CRB1: variants seen among roughly 807,000 people sequenced by gnomAD.
The protein encoded by CRB1 is crumbs cell polarity complex component 1, also known as protein crumbs homolog 1.
Under a neutral mutation model 120.0 loss-of-function variants are expected in CRB1, and 83 were observed. The ratio of observed to expected loss-of-function variants is 0.69; its 90% CI spans 0.58 to 0.83. The LOEUF (loss-of-function observed/expected upper bound fraction) is 0.83. Ranked by LOEUF, CRB1 falls within the 40% of genes least tolerant of loss-of-function variation. The pLI, the probability that CRB1 is intolerant of heterozygous loss-of-function variation, is 0.00. For synonymous variants in CRB1, 625 were observed against 612.5 expected (o/e 1.02, Z -0.30); for missense variants, 1,699 against 1,687.6 (o/e 1.01, Z -0.12).
chr1:197,429,066 G>T, intron 7 of CRB1: 1 of 1,498,648 alleles, frequency 6.7e-7, no homozygotes. Context: ...TAGGATCTTG[G>T]GCAACTGGAA....
At chr1:197,312,344 A>C (rs1001218751) in intron 1 of CRB1, among the ~76,000 whole-genome samples, 1 of 152,196 alleles carries the variant, frequency 6.6e-6, no homozygotes, top group Non-Finnish European at 1.5e-5. Context: ...TGGATGAATC[A>C]CCTGAGGTCA....
At chr1:197,258,137 A>G in the CRB1 span, among the ~76,000 whole-genome samples, 3 of 152,208 alleles carry the variant, frequency 2.0e-5, no homozygotes, top group African/African-American at 4.8e-5. Flanking sequence ...GTTGCTAACA[A>G]TTTAATTGTA....
chr1:197,222,682 T>C, the CRB1 span: 1 of 790,122 alleles, frequency 1.3e-6, no homozygotes, highest in Admixed American at 1.7e-5. Context: ...CATAATTACT[T>C]GTTTCAGGAA....
At chr1:197,362,979 A>AT (rs1660854161) in intron 5 of CRB1, among the ~76,000 whole-genome samples, 1 of 151,846 alleles carries the variant, frequency 6.6e-6, no homozygotes, top group Non-Finnish European at 1.5e-5. Flanking sequence ...TTAGTTGACT[A>AT]TTTTTGGGAT....
At chr1:197,337,129 C>G (rs1210047160) in intron 2 of CRB1, among the ~76,000 whole-genome samples, 2 of 152,090 alleles carry the variant, frequency 1.3e-5, no homozygotes, top group Non-Finnish European at 2.9e-5. Flanking sequence ...CGGGGAAGCT[C>G]TCATAAATAG....
At chr1:197,242,085 T>C in the CRB1 span, among the ~76,000 whole-genome samples, 1 of 152,180 alleles carries the variant, frequency 6.6e-6, no homozygotes, top group African/African-American at 2.4e-5. Context: ...TAAGGAGATT[T>C]TGGGCTGAGA....
intron 5 of CRB1, among the ~76,000 whole-genome samples, chr1:197,376,752 T>C (rs1210816047): frequency 6.6e-6 from 1 of 152,184 alleles, no homozygotes; most frequent in African/African-American, 2.4e-5. Context: ...GCTTTGGTAG[T>C]AACATAATAT....
At chr1:197,458,353 G>A (rs778933400) in intron 11 of CRB1, among the ~76,000 whole-genome samples, 9 of 151,954 alleles carry the variant, frequency 5.9e-5, no homozygotes, top group Admixed American at 1.3e-4. Flanking sequence ...GAACACTAAA[G>A]CTTATCTTTT....
In CRB1 at chr1:197,427,855, AATGGTGG is replaced by A. The variant is rs745348555; in HGVS notation, c.2533_2539del (p.Gly845SerfsTer9). On this transcript the variant is annotated frameshift_variant, in exon 7 of 12. Coordinates refer to ENST00000367400, the MANE Select transcript of CRB1 (RefSeq NM_201253.3). LOFTEE classifies it high-confidence loss of function. ...ACCTGACAAGCAAGAGACTGAACTT[AATGGTGG>A]ATTCTTCAAAGGCTGTATCCAAGAT... 1.9e-6 allele frequency: 3 copies of A among 1,614,070 alleles called. No homozygotes were observed. Among genetic ancestry groups the A allele is most frequent in the Non-Finnish European group, 2.5e-6 (3 of 1,179,986 alleles).
rs536826548 is a variant in CRB1 at position 197,454,531 on chromosome 1, C to T, written c.4005+12239C>T. Among the ~76,000 whole-genome samples the T allele has an allele frequency of 2.6e-4, 40 of 152,082 alleles. 1 individual carries two copies. In the South Asian group the frequency reaches 5.2e-3, roughly 20 times the overall value. ...GAAATCATGCAACATAGGTTTTTCC[C>T]GTCAGAACACATTTTTTCATGTGTT... On this transcript the variant is annotated intron_variant, in intron 11 of 11. Coordinates refer to ENST00000367400, the MANE Select transcript of CRB1 (RefSeq NM_201253.3).
chr1:197,264,610 C>CTT (rs1238265615), upstream of CRB1, among the ~76,000 whole-genome samples: 156 of 145,840 alleles, frequency 1.1e-3, no homozygotes, highest in African/African-American at 3.7e-3. Flanking sequence ...ACAGTGCATT[C>CTT]TTCTTTTTTT....
chr1:197,305,911 A>T (rs1333347645), intron 1 of CRB1, among the ~76,000 whole-genome samples: 1 of 151,944 alleles, frequency 6.6e-6, no homozygotes, highest in East Asian at 1.9e-4. Flanking sequence ...TTGAAAAAAA[A>T]AAAAACAAAA....
intron 5 of CRB1, among the ~76,000 whole-genome samples, chr1:197,402,928 A>G (rs1272104042): frequency 1.3e-5 from 2 of 152,172 alleles, no homozygotes; most frequent in Non-Finnish European, 2.9e-5. Flanking sequence ...GTTATTTTAC[A>G]CTGCATCCTT....
intron 11 of CRB1, among the ~76,000 whole-genome samples, chr1:197,472,577 T>C (rs993772680): frequency 1.3e-5 from 2 of 152,232 alleles, no homozygotes; most frequent in African/African-American, 2.4e-5. Flanking sequence ...TCACATTATT[T>C]CAAATGCTGT....
intron 5 of CRB1, among the ~76,000 whole-genome samples, chr1:197,382,064 A>C (rs1345069863): frequency 6.6e-6 from 1 of 152,162 alleles, no homozygotes; most frequent in Non-Finnish European, 1.5e-5. Flanking sequence ...GTGAGGAGAA[A>C]CTGTGATGGT....
At chr1:197,268,143 G>C (rs1382839704), upstream of CRB1, 4 of 430,664 alleles carry the variant, frequency 9.3e-6, no homozygotes, top group East Asian at 1.8e-4. Context: ...AAAGGCTTGA[G>C]GGGGGAATGA....
chr1:197,438,728 G>A (rs765240127), intron 10 of CRB1, 53 bp downstream of exon 10: 14 of 1,601,542 alleles, frequency 8.7e-6, no homozygotes, highest in Non-Finnish European at 1.1e-5. Context: ...AGAATGATGG[G>A]ATTACTCAAA....
chr1:197,358,417 C>A (rs114352148), intron 5 of CRB1, among the ~76,000 whole-genome samples: 1,882 of 152,242 alleles, frequency 0.012, 14 homozygotes, highest in Middle Eastern at 0.034. Context: ...AAATGGGTGA[C>A]CCCTTGAATC....
intron 1 of CRB1, among the ~76,000 whole-genome samples, chr1:197,303,619 C>T (rs1205580644): frequency 6.6e-6 from 1 of 151,322 alleles, no homozygotes; most frequent in Non-Finnish European, 1.5e-5. Context: ...AAATTCAGAC[C>T]CTGAAAAAAA....
Sources: gnomAD v4.1 joint callset for allele counts (sites outside exome capture counted in the v4.1 genomes callset) on GRCh38, gnomAD v4.1.1 for gene constraint, MANE v1.5 for transcripts, NCBI Gene and HGNC (gene_info 2026-07-23, HGNC 2026-07-21) for gene names.